EAPP: variants seen among roughly 807,000 people sequenced by gnomAD.
The protein encoded by EAPP is E2F-associated phosphoprotein.
Under a neutral mutation model 34.3 loss-of-function variants are expected in EAPP, and 38 were observed. The observed-to-expected ratio is 1.11, with a 90% confidence interval of 0.85 to 1.45. EAPP has a LOEUF of 1.45. Ranked by LOEUF, EAPP falls within the 40% of genes most tolerant of loss-of-function variation. The pLI is 0.00. For missense variants in EAPP, 338 were observed against 343.7 expected, an observed-to-expected ratio of 0.98 and a Z score of 0.13; for synonymous variants, 113 against 117.6, an observed-to-expected ratio of 0.96 and a Z score of 0.25.
Position 34,529,428 on chromosome 14 carries a change from T to C in EAPP, c.400A>G (p.Asn134Asp), listed in dbSNP as rs768246027. Residue 134 changes from asparagine to aspartate, a missense_variant, in exon 4 of 6, where the codon AAT becomes GAT. Asn to Asp is a conservative substitution (Grantham distance 23). Coordinates refer to ENST00000250454, the MANE Select transcript of EAPP (RefSeq NM_018453.4). ...TCAGGATCATACAGTAATTCGTCAT[T>C]TGTTGGAATCTTGTGTTGTTTCTTC... ...KKKKQHKIPT[N>D]DELLYDPEKD... 1 of 1,613,542 alleles carries C rather than the reference T, an allele frequency of 6.2e-7. No individual in the cohort carries two copies. The highest frequency in any genetic ancestry group is 8.5e-7 in the Non-Finnish European group (1 of 1,179,918).
intron 3 of EAPP, 151 bp from the exon 4 acceptor site, chr14:34,529,626 T>C (rs1186702321): frequency 1.6e-6 from 1 of 617,672 alleles, no homozygotes; most frequent in Admixed American, 3.1e-5. Flanking sequence ...ACACCTGTAA[T>C]CCTAGCACTT....
intron 5 of EAPP, among the ~76,000 whole-genome samples, chr14:34,517,974 C>A (rs1286358635): frequency 6.6e-6 from 1 of 151,800 alleles, no homozygotes; most frequent in African/African-American, 2.4e-5. Context: ...AGGGTTTCAC[C>A]AGGTTGGTCA....
rs1280513423 is a variant in EAPP at position 34,530,968 on chromosome 14, A to G, written c.353-1493T>C. Among the ~76,000 whole-genome samples, 5 of 148,124 alleles carry G rather than the reference A, an allele frequency of 3.4e-5. No individual in the cohort carries two copies. In the East Asian group the frequency reaches 7.8e-4, roughly 23 times the overall value. On this transcript the variant is annotated intron_variant, in intron 3 of 5. Coordinates refer to ENST00000250454, the MANE Select transcript of EAPP (RefSeq NM_018453.4). Reference sequence around the variant, plus strand: ...GAGGAAAAAAACAAAAAAAAAGAGAAAAAAAAAAACTATGGCCATCTACAT... The same window carrying G: ...GAGGAAAAAAACAAAAAAAAAGAGAGAAAAAAAAACTATGGCCATCTACAT...
intron 2 of EAPP, among the ~76,000 whole-genome samples, chr14:34,535,128 G>A (rs905012115): frequency 3.1e-5 from 4 of 128,040 alleles, no homozygotes; most frequent in East Asian, 3.0e-4. Flanking sequence ...GAGCCACCAC[G>A]CCTGGCCTTT....
intron 3 of EAPP, 75 bp from the exon 4 acceptor site, chr14:34,529,550 T>C: frequency 9.3e-7 from 1 of 1,077,890 alleles, no homozygotes; most frequent in Non-Finnish European, 1.4e-6. Flanking sequence ...AGAGTCTCAT[T>C]TCCCAAGCTA....
chr14:34,535,558 G>A (rs1368216220), intron 2 of EAPP, among the ~76,000 whole-genome samples: 2 of 149,048 alleles, frequency 1.3e-5, no homozygotes, highest in Non-Finnish European at 3.0e-5. Context: ...TCAGCCTCCC[G>A]AGTAGCTGGG....
At chr14:34,520,282 T>C (rs1358769417) in intron 5 of EAPP, among the ~76,000 whole-genome samples, 1 of 151,988 alleles carries the variant, frequency 6.6e-6, no homozygotes, top group African/African-American at 2.4e-5. Flanking sequence ...TGATCTTGGC[T>C]CACTGCAACC....
At chr14:34,521,482 C>T (rs7151482) in intron 5 of EAPP, among the ~76,000 whole-genome samples, 130,341 of 152,028 alleles carry the variant, frequency 0.86, 55,998 homozygotes, top group African/African-American at 0.88. Context: ...ATCTTGTAGA[C>T]CTTCATACCT....
rs1008428032 is a variant in EAPP at position 34,526,568 on chromosome 14, T to TA, written c.471-1762dup. Among the ~76,000 whole-genome samples the TA allele has an allele frequency of 7.9e-3, 1,009 of 128,066 alleles. 11 individuals are homozygous for TA. The highest frequency in any genetic ancestry group is 0.026 in the African/African-American group (899 of 34,652). 84.0% of individuals were successfully genotyped at this position (128,066 alleles called of 152,430 possible). A position where few individuals can be genotyped will look rare whatever the true frequency, so the allele number is the denominator to read the frequency against. On this transcript the variant is annotated intron_variant, in intron 4 of 5. Coordinates refer to ENST00000250454, the MANE Select transcript of EAPP (RefSeq NM_018453.4). Reference sequence around the variant, plus strand: ...GTGAAACCCTGTCTCTATAAGAAAATAAAAAAAAAAATGAAAATAAAAATA... The same window carrying TA: ...GTGAAACCCTGTCTCTATAAGAAAATAAAAAAAAAAAATGAAAATAAAAATA...
intron 3 of EAPP, among the ~76,000 whole-genome samples, chr14:34,529,683 C>T (rs1880216896): frequency 6.6e-6 from 1 of 152,068 alleles, no homozygotes; most frequent in African/African-American, 2.4e-5. Context: ...AGATCGAGAC[C>T]AGCCTGGACA....
intron 2 of EAPP, among the ~76,000 whole-genome samples, chr14:34,534,485 G>C (rs1594670118): frequency 6.6e-6 from 1 of 152,090 alleles, no homozygotes. Context: ...TTTACATAAA[G>C]ACCAAGTATC....
At chr14:34,527,434 CAGG>C (rs1462604600) in intron 4 of EAPP, among the ~76,000 whole-genome samples, 1 of 151,904 alleles carries the variant, frequency 6.6e-6, no homozygotes, top group Non-Finnish European at 1.5e-5. Context: ...GAAGCTGAAC[CAGG>C]AGGAGTGCTT....
chr14:34,534,639 A>AT (rs748944082), intron 2 of EAPP, among the ~76,000 whole-genome samples: 6 of 152,056 alleles, frequency 3.9e-5, no homozygotes, highest in Non-Finnish European at 8.8e-5. Context: ...TCGAGTAAAA[A>AT]CTGCAAAATA....
chr14:34,526,858 C>A (rs1880113166), intron 4 of EAPP, among the ~76,000 whole-genome samples: 2 of 139,932 alleles, frequency 1.4e-5, no homozygotes, highest in African/African-American at 5.3e-5. Flanking sequence ...GGCAACACAG[C>A]AAGACCCTGT....
chr14:34,539,198 A>G (rs1397442449), intron 1 of EAPP: 1 of 434,508 alleles, frequency 2.3e-6, no homozygotes, highest in Non-Finnish European at 4.4e-6. Flanking sequence ...TATAGGTTAT[A>G]CAATTATGTT....
intron 5 of EAPP, among the ~76,000 whole-genome samples, chr14:34,523,468 G>A (rs6571661): frequency 0.78 from 116,674 of 150,242 alleles, 46,202 homozygotes; most frequent in Non-Finnish European, 0.85. Flanking sequence ...CTCGTGATCC[G>A]CCCACCTCGG....
At chr14:34,522,070 C>A (rs1315175649) in intron 5 of EAPP, among the ~76,000 whole-genome samples, 1 of 152,036 alleles carries the variant, frequency 6.6e-6, no homozygotes, top group Non-Finnish European at 1.5e-5. Flanking sequence ...GTGATCTTCC[C>A]ACCTCAGCCT....
chr14:34,535,978 C>A, intron 2 of EAPP, 116 bp downstream of exon 2: 2 of 686,202 alleles, frequency 2.9e-6, no homozygotes, highest in Non-Finnish European at 2.4e-6. Flanking sequence ...CTCCTTCATT[C>A]AATAAATATT....
chr14:34,535,152 C>T (rs1453360418), intron 2 of EAPP, among the ~76,000 whole-genome samples: 5 of 129,412 alleles, frequency 3.9e-5, no homozygotes, highest in African/African-American at 8.5e-5. Flanking sequence ...TTTTTTGAGA[C>T]GGAGTCTCAC....
Sources: gnomAD v4.1 joint callset for allele counts (sites outside exome capture counted in the v4.1 genomes callset) on GRCh38, gnomAD v4.1.1 for gene constraint, MANE v1.5 for transcripts, NCBI Gene and HGNC (gene_info 2026-07-23, HGNC 2026-07-21) for gene names.